Variants in SNAI3 observed in about 807,000 individuals in gnomAD.
The protein encoded by SNAI3 is zinc finger protein SNAI3.
A neutral mutation model predicts 16.4 loss-of-function variants in SNAI3; 21 were observed. The observed-to-expected ratio is 1.28, with a 90% CI of 0.91 to 1.85. SNAI3 has a LOEUF of 1.85. SNAI3 is among the 40% of genes most tolerant of loss of function. The pLI is 0.00. For synonymous variants in SNAI3, 202 were observed against 166.6 expected (o/e 1.21, Z -1.64); for missense variants, 457 against 372.8 (o/e 1.23, Z -1.86).
chr16:88,679,272 A>G (rs1909079127), intron 2 of SNAI3, among the ~76,000 whole-genome samples: 1 of 152,148 alleles, frequency 6.6e-6, no homozygotes, highest in South Asian at 2.1e-4. Context: ...GGCTGAGGGC[A>G]CCAAGCCCCA....
intron 2 of SNAI3, among the ~76,000 whole-genome samples, chr16:88,679,621 G>T (rs1477090863): frequency 6.6e-6 from 1 of 151,732 alleles, no homozygotes; most frequent in Non-Finnish European, 1.5e-5. Flanking sequence ...AATCAGCTGG[G>T]CGTGGTGGCA....
intron 1 of SNAI3, chr16:88,685,326 C>G (rs1042175539): frequency 1.3e-5 from 2 of 152,180 alleles, no homozygotes; most frequent in Non-Finnish European, 2.9e-5. Context: ...GGTGGCAGCC[C>G]GGGCCTCGGG....
chr16:88,682,762 ATT>A (rs71158747), intron 1 of SNAI3, among the ~76,000 whole-genome samples: 631 of 60,564 alleles, frequency 0.01, 4 homozygotes, highest in East Asian at 0.024. Flanking sequence ...TGGGCAAGGG[ATT>A]TTTTTTTTTT....
intron 1 of SNAI3, 39 bp downstream of exon 1, chr16:88,686,292 C>T (rs369070153): frequency 3.1e-6 from 5 of 1,603,768 alleles, no homozygotes; most frequent in Non-Finnish European, 4.3e-6. Flanking sequence ...CCCTCAGGGT[C>T]GAGTCCCGGC....
rs1597393039 is a variant in SNAI3, at chr16:88,681,375, A to G, written c.416T>C (p.Leu139Pro). ...GPDRHGAPEK[L>P]LGAERMPRAP... ...TCGGGGCATCCGCTCAGCCCCAAGC[A>G]GTTTTTCCGGAGCCCCGTGCCGGTC... is the stretch of plus-strand genomic sequence containing the variant. Residue 139 changes from leucine to proline, a missense_variant, in exon 2 of 3, where the codon CTG (leucine) becomes CCG (proline). Transcript: ENST00000332281. The surrounding 1 kb of genome is among the most constrained non-coding windows in gnomAD (Gnocchi z 5.4). 6.2e-7 allele frequency: 1 copy of G among 1,612,500 alleles called. No individual in the cohort carries two copies. Among genetic ancestry groups the G allele is most frequent in the Non-Finnish European group, 8.5e-7 (1 of 1,179,282 alleles).
chr16:88,681,081 C>A lies in SNAI3; in HGVS notation c.697+13G>T. ...AGCCCAGACCGTCCTTGCAGACCTT[C>A]ACCCTGTCCTACCTGTGTGGGTGCG... On this transcript the variant is annotated intron_variant, in intron 2 of 2. Coordinates refer to ENST00000332281, the MANE Select transcript of SNAI3 (RefSeq NM_178310.4). This position sits in a 1 kb window ranked among gnomAD's most constrained non-coding sequence, Gnocchi z 5.4. 1 of 1,599,748 alleles carries A rather than the reference C, an allele frequency of 6.3e-7. No homozygotes were observed. The highest frequency in any genetic ancestry group is 8.6e-7 in the Non-Finnish European group (1 of 1,169,240).
chr16:88,683,085 T>C (rs1449860144), intron 1 of SNAI3, among the ~76,000 whole-genome samples: 7 of 56,414 alleles, frequency 1.2e-4, no homozygotes, highest in African/African-American at 4.3e-4. Flanking sequence ...CCCCCCACCC[T>C]TTTTTTTTTT....
intron 1 of SNAI3, among the ~76,000 whole-genome samples, chr16:88,683,084 C>CTT (rs35518035): frequency 0.014 from 1,379 of 98,832 alleles, 91 homozygotes; most frequent in East Asian, 0.039. Flanking sequence ...GCCCCCCACC[C>CTT]TTTTTTTTTT....
intron 1 of SNAI3, among the ~76,000 whole-genome samples, chr16:88,683,701 C>T (rs1164666868): frequency 6.6e-6 from 1 of 152,016 alleles, no homozygotes; most frequent in African/African-American, 2.4e-5. Context: ...GGATTACAGA[C>T]ACCTGCCACC....
At chr16:88,680,240 G>A (rs1327744053) in intron 2 of SNAI3, among the ~76,000 whole-genome samples, 1 of 150,482 alleles carries the variant, frequency 6.6e-6, no homozygotes, top group Non-Finnish European at 1.5e-5. Context: ...GGGAAGGGCA[G>A]GCCACTTTTG....
chr16:88,681,849 T>G lies in SNAI3; in HGVS notation c.77-135A>C. 2.9e-6 allele frequency: 3 copies of G among 1,026,664 alleles called. No individual in the cohort carries two copies. The highest frequency in any genetic ancestry group is 3.8e-6 in the Non-Finnish European group (3 of 789,282). The allele number at this position is 1,026,664 out of a possible 1,614,324, so 63.6% of individuals were successfully genotyped here. On this transcript the variant is annotated intron_variant, in intron 1 of 2. Coordinates refer to ENST00000332281, the MANE Select transcript of SNAI3 (RefSeq NM_178310.4). This position sits in a 1 kb window ranked among gnomAD's most constrained non-coding sequence, Gnocchi z 5.4. The stretch of plus-strand genomic sequence containing the variant: ...TGGGAGGTGTAGCCGGGAACCTGCA[T>G]GCAGACCCAGCTTGCAAGGGAGCTG...
chr16:88,683,891 C>T (rs1405895688), intron 1 of SNAI3, among the ~76,000 whole-genome samples: 3 of 152,122 alleles, frequency 2.0e-5, no homozygotes, highest in East Asian at 1.9e-4. Flanking sequence ...TCTCCAAAGA[C>T]GATACACAAA....
chr16:88,682,787 TTTTTTA>T, intron 1 of SNAI3, among the ~76,000 whole-genome samples: 2 of 131,336 alleles, frequency 1.5e-5, no homozygotes, highest in African/African-American at 5.8e-5. Context: ...TTTTTTTTTT[TTTTTTA>T]GAGACGGAGT....
chr16:88,678,821 C>A, intron 2 of SNAI3, 192 bp from the exon 3 acceptor site: 1 of 985,468 alleles, frequency 1.0e-6, no homozygotes, highest in African/African-American at 1.7e-5. Context: ...GCACAGGCAG[C>A]CACAGGTGCT....
chr16:88,678,694 C>T, intron 2 of SNAI3, 65 bp from the exon 3 acceptor site: 1 of 1,532,008 alleles, frequency 6.5e-7, no homozygotes, highest in South Asian at 1.2e-5. Context: ...AGCACCCACC[C>T]TGCCCATCAA....
At position 88,681,992 on chromosome 16, in the gene SNAI3, G is replaced by A. The variant is rs371020819; in HGVS notation, c.77-278C>T. On this transcript the variant is annotated intron_variant, in intron 1 of 2. Transcript: ENST00000332281. This position sits in a 1 kb window ranked among gnomAD's most constrained non-coding sequence, Gnocchi z 5.4. Reference sequence around the variant, plus strand: ...CTTTAAACACAAAGAAACATCTGACGGGACCCTTTGTGTTCAGGAACATGA... The same window carrying A: ...CTTTAAACACAAAGAAACATCTGACAGGACCCTTTGTGTTCAGGAACATGA... Among the ~76,000 whole-genome samples the A allele has an allele frequency of 1.1e-4, 16 of 152,204 alleles. No homozygotes were observed. Among genetic ancestry groups the A allele is most frequent in the South Asian group, 4.1e-4 (2 of 4,820 alleles).
rs201418285 is a variant in SNAI3, at chr16:88,686,427, G to T, written c.-21C>A. On this transcript the variant is annotated 5_prime_UTR_variant, in exon 1 of 3. Coordinates refer to ENST00000332281, the MANE Select transcript of SNAI3 (RefSeq NM_178310.4). The stretch of plus-strand genomic sequence containing the variant: ...GGCATGTTCCCCTCCCGGGCGGCAG[G>T]CCGGGGTGGGCTGGGGCGGGAGGGG... 5 of 1,606,416 alleles carry T rather than the reference G, an allele frequency of 3.1e-6. No homozygotes were observed. The Middle Eastern group carries it at 5.0e-4, about 160-fold the overall frequency.
rs751250331 is a variant in SNAI3 at position 88,678,608 on chromosome 16, G to T, written c.719C>A (p.Ser240Ter). The T allele has an allele frequency of 6.0e-6, 7 of 1,162,166 alleles. No individual in the cohort carries two copies. Among genetic ancestry groups the T allele is most frequent in the Non-Finnish European group, 9.1e-6 (7 of 771,320 alleles). 72.0% of individuals were successfully genotyped at this position (1,162,166 alleles called of 1,614,324 possible). A position where few individuals can be genotyped will look rare whatever the true frequency, so the allele number is the denominator to read the frequency against. The change falls in exon 3 of 3, where the codon TCG becomes TAG. Residue 240 changes from serine to a stop codon, truncating the protein, a stop_gained. Transcript: ENST00000332281. LOFTEE classifies it high-confidence loss of function. ...GTCGGCAAAGGCCCTGCTGCAGTGC[G>T]AGCAGGCATAGGGCTTCTCCCCTGT... Reference protein sequence around the residue: ...THTGEKPYACSHCSRAFADRS... With the variant: ...THTGEKPYAC
rs1166533193 is a variant in SNAI3 at position 88,681,864 on chromosome 16, C to T, written c.77-150G>A. ...GGAACCTGCATGCAGACCCAGCTTG[C>T]AAGGGAGCTGGCGGTGCTGTGCAGG... On this transcript the variant is annotated intron_variant, in intron 1 of 2. Coordinates refer to ENST00000332281, the MANE Select transcript of SNAI3 (RefSeq NM_178310.4). This position sits in a 1 kb window ranked among gnomAD's most constrained non-coding sequence, Gnocchi z 5.4. 2 of 927,730 alleles carry T rather than the reference C, an allele frequency of 2.2e-6. No homozygotes were observed. The highest frequency in any genetic ancestry group is 3.8e-5 in the Admixed American group (1 of 26,322). 57.5% of individuals were successfully genotyped at this position (927,730 alleles called of 1,614,324 possible).
Sources: gnomAD v4.1 joint callset for allele counts (sites outside exome capture counted in the v4.1 genomes callset) on GRCh38, gnomAD v4.1.1 for gene constraint, Gnocchi (gnomAD v3.1) non-coding constraint, MANE v1.5 for transcripts, NCBI Gene and HGNC (gene_info 2026-07-23, HGNC 2026-07-21) for gene names.